The following C1QTNF1 variants were observed in gnomAD, a reference collection of about 807,000 sequenced individuals.
C1QTNF1 encodes complement C1q tumor necrosis factor-related protein 1.
A neutral mutation model predicts 27.8 loss-of-function variants in C1QTNF1; 22 were observed. The observed-to-expected ratio is 0.79, with a 90% CI of 0.56 to 1.13. The LOEUF is 1.13. Ranked by LOEUF, C1QTNF1 falls within the 50% of genes most tolerant of loss-of-function variation. The pLI is 0.00. For synonymous variants in C1QTNF1, 166 were observed against 154.3 expected, an observed-to-expected ratio of 1.08 and a Z score of -0.56; for missense variants, 373 against 380.2, an observed-to-expected ratio of 0.98 and a Z score of 0.16.
intron 1 of C1QTNF1, among the ~76,000 whole-genome samples, chr17:79,030,518 TTTCTTTCTTTCTTC>T: frequency 8.7e-6 from 1 of 114,720 alleles, no homozygotes. Flanking sequence ...TCTTTCTTTC[TTTCTTTCTTTCTTC>T]TTTCTTTCTT....
At chr17:79,044,924 CTCTT>C (rs1253826065) in intron 2 of C1QTNF1, among the ~76,000 whole-genome samples, 6 of 152,232 alleles carry the variant, frequency 3.9e-5, no homozygotes, top group Non-Finnish European at 7.3e-5. Context: ...CCTCTCCCTC[CTCTT>C]TCTTTGATTG....
chr17:79,033,567 G>A (rs1355507144), intron 1 of C1QTNF1, among the ~76,000 whole-genome samples: 1 of 151,934 alleles, frequency 6.6e-6, no homozygotes, highest in African/African-American at 2.4e-5. Flanking sequence ...TTAGCTGGAT[G>A]TGGTGGCATG....
intron 1 of C1QTNF1, chr17:79,025,873 C>T: frequency 2.3e-6 from 1 of 427,318 alleles, no homozygotes; most frequent in Admixed American, 2.4e-5. Flanking sequence ...ACAACAGTGG[C>T]AATCATCATC....
At chr17:79,044,815 G>A (rs912364377) in intron 2 of C1QTNF1, among the ~76,000 whole-genome samples, 4 of 152,242 alleles carry the variant, frequency 2.6e-5, no homozygotes, top group Non-Finnish European at 4.4e-5. Context: ...ATTATTTTGA[G>A]CGTTGGGCTG....
At chr17:79,039,610 G>T (rs1418560056) in intron 1 of C1QTNF1, among the ~76,000 whole-genome samples, 1 of 151,750 alleles carries the variant, frequency 6.6e-6, no homozygotes, top group Non-Finnish European at 1.5e-5. Flanking sequence ...CCAAGATCGC[G>T]CCACTTCACT....
chr17:79,029,759 CTCT>C (rs1393658158), intron 1 of C1QTNF1, among the ~76,000 whole-genome samples: 1 of 152,224 alleles, frequency 6.6e-6, no homozygotes, highest in Non-Finnish European at 1.5e-5. Flanking sequence ...GAAACGGGTT[CTCT>C]CTGGCTCGCC....
At chr17:79,036,341 A>G (rs936621330) in intron 1 of C1QTNF1, among the ~76,000 whole-genome samples, 6 of 152,066 alleles carry the variant, frequency 3.9e-5, no homozygotes, top group Non-Finnish European at 1.5e-5. Context: ...TGCCTGGCTA[A>G]TCTTTGCATT....
chr17:79,048,173 CG>C lies in C1QTNF1; in HGVS notation c.*86del. On this transcript the variant is annotated 3_prime_UTR_variant, in exon 4 of 4. Transcript: ENST00000579760. The stretch of plus-strand genomic sequence containing the variant: ...CGCCTCTTCCCCGATCCCTGGACTC[CG>C]ACTCCCTGGCTTTGGCATTCAGTGA... 1.0e-6 allele frequency: 1 copy of C among 976,852 alleles called. No homozygotes were observed. The highest frequency in any genetic ancestry group is 1.3e-6 in the Non-Finnish European group (1 of 748,914). The allele number at this position is 976,852 out of a possible 1,614,324, so 60.5% of individuals were successfully genotyped here.
chr17:79,036,831 G>A (rs983261842), intron 1 of C1QTNF1, among the ~76,000 whole-genome samples: 1 of 152,212 alleles, frequency 6.6e-6, no homozygotes, highest in Non-Finnish European at 1.5e-5. Context: ...TCAGCTGAGA[G>A]GGCAGCTTGG....
chr17:79,029,484 G>GGA (rs1249641001), intron 1 of C1QTNF1, among the ~76,000 whole-genome samples: 14 of 152,212 alleles, frequency 9.2e-5, no homozygotes, highest in Admixed American at 3.9e-4. Context: ...ATCAAGCTCA[G>GGA]TGGTGTAGGG....
At chr17:79,035,788 C>T (rs2072251334) in intron 1 of C1QTNF1, among the ~76,000 whole-genome samples, 1 of 152,116 alleles carries the variant, frequency 6.6e-6, no homozygotes, top group Admixed American at 6.5e-5. Flanking sequence ...TATCTTATGC[C>T]AAGTTTCCTT....
Position 79,047,603 on chromosome 17 carries a change from G to A in C1QTNF1, c.361G>A (p.Ala121Thr), listed in dbSNP as rs1315526715. 1.3e-6 allele frequency: 2 copies of A among 1,566,028 alleles called. No individual in the cohort carries two copies. The highest frequency in any genetic ancestry group is 8.7e-7 in the Non-Finnish European group (1 of 1,155,440). ...ATATGGCAAAACAGGCTCAGCAGGG[G>A]CCAGGGGCCACACTGGACCCAAAGG... ...GKYGKTGSAG[A>T]RGHTGPKGQK... Residue 121 changes from alanine (A) to threonine (T), a missense_variant, in exon 4 of 4, where the codon GCC becomes ACC. Coordinates refer to ENST00000579760, the MANE Select transcript of C1QTNF1 (RefSeq NM_030968.5).
At chr17:79,025,823 G>C (rs1599273336) in intron 1 of C1QTNF1, 1 of 315,426 alleles carries the variant, frequency 3.2e-6, no homozygotes, top group East Asian at 9.1e-5. Flanking sequence ...CTCCCTCTTA[G>C]AGCTGCAGAG....
chr17:79,048,354 C>G lies in C1QTNF1; in HGVS notation c.*266C>G, dbSNP rs924984492. Reference sequence around the variant, plus strand: ...CCTCTCTGCACACATCCTCAAGTGACCCCGCACGGCGAGACGCGGGTGGCG... The same window carrying G: ...CCTCTCTGCACACATCCTCAAGTGAGCCCGCACGGCGAGACGCGGGTGGCG... On this transcript the variant is annotated 3_prime_UTR_variant, in exon 4 of 4. Transcript: ENST00000579760. 2.0e-4 allele frequency: 77 copies of G among 392,238 alleles called. No individual in the cohort carries two copies. Among genetic ancestry groups the G allele is most frequent in the Non-Finnish European group, 3.1e-4 (68 of 222,082 alleles). 24.3% of individuals were successfully genotyped at this position (392,238 alleles called of 1,614,324 possible).
chr17:79,047,239 T>TTTTC (rs1280299449), intron 3 of C1QTNF1: 6 of 116,772 alleles, frequency 5.1e-5, no homozygotes, highest in Non-Finnish European at 8.5e-5. Context: ...TTTTCTTTTC[T>TTTTC]TTTTTTTTTT....
rs560427202 is a variant in C1QTNF1, at chr17:79,047,520, T to C, written c.296-18T>C. On this transcript the variant is annotated intron_variant, in intron 3 of 3. Transcript: ENST00000579760. ...CGGATTGCTCCATTAACAGCACGCG[T>C]TTTCCCATCCCTTTTAGGGGAGAAG... The C allele has an allele frequency of 2.0e-6, 3 of 1,518,068 alleles. No individual in the cohort carries two copies. The highest frequency in any genetic ancestry group is 1.3e-5 in the South Asian group (1 of 75,068). The allele number at this position is 1,518,068 out of a possible 1,614,324, so 94.0% of individuals were successfully genotyped here. A position where few individuals can be genotyped will look rare whatever the true frequency, so the allele number is the denominator to read the frequency against.
At chr17:79,035,816 T>TG (rs1171852720) in intron 1 of C1QTNF1, among the ~76,000 whole-genome samples, 3 of 152,010 alleles carry the variant, frequency 2.0e-5, no homozygotes, top group South Asian at 2.1e-4. Context: ...GAATGTAAAC[T>TG]GGGGGCGGGG....
chr17:79,043,517 T>G, intron 1 of C1QTNF1: 1 of 444,266 alleles, frequency 2.3e-6, no homozygotes, highest in East Asian at 7.0e-5. Context: ...TGTGGGTATA[T>G]GTATGCATGT....
Position 79,026,069 on chromosome 17 carries a change from C to T in C1QTNF1, c.-15+1575C>T, listed in dbSNP as rs148528711. The T allele has an allele frequency of 1.7e-5, 3 of 181,214 alleles. No individual in the cohort carries two copies. In the East Asian group the frequency reaches 4.8e-4, roughly 29 times the overall value. The allele number at this position is 181,214 out of a possible 1,614,324, so 11.2% of individuals were successfully genotyped here. On this transcript the variant is annotated intron_variant, in intron 1 of 3. Transcript: ENST00000579760. ...GTGGAAAGAGCAGAGCTGCAAAGCT[C>T]AAGAGGCTCACGGCTTGCTTGAGGT...
Sources: allele counts gnomAD v4.1 joint callset (sites outside exome capture counted in the v4.1 genomes callset), GRCh38; gene constraint gnomAD v4.1.1; transcripts MANE v1.5; gene names NCBI Gene and HGNC (gene_info 2026-07-23, HGNC 2026-07-21).